NBEA: variants seen among roughly 807,000 people sequenced by gnomAD.
NBEA encodes lysosomal-trafficking regulator 2.
NBEA carries 44 observed loss-of-function variants against 343.4 expected under a neutral mutation model. That is an observed-to-expected ratio of 0.13 (90% CI 0.10 to 0.16). The LOEUF (loss-of-function observed/expected upper bound fraction) is 0.16, where lower values mean the gene tolerates loss of function less well. Among genes scored for constraint, NBEA ranks in the 10% least tolerant of loss-of-function variants. The pLI, the probability that NBEA is intolerant of heterozygous loss-of-function variation, is 1.00. For synonymous variants in NBEA, 1,175 were observed against 1,238.7 expected (o/e 0.95, Z 1.08); for missense variants, 2,555 against 3,631.3 (o/e 0.70, Z 7.62).
intron 41 of NBEA, chr13:35,474,937 T>C (rs1329666402): frequency 3.6e-5 from 42 of 1,157,132 alleles, no homozygotes; most frequent in Non-Finnish European, 5.2e-5. Flanking sequence ...TGTATTATTA[T>C]TCCTTTTTAA....
intron 17 of NBEA, among the ~76,000 whole-genome samples, chr13:35,133,774 A>T (rs1448570649): frequency 1.3e-5 from 2 of 152,092 alleles, no homozygotes; most frequent in Non-Finnish European, 2.9e-5. Context: ...ATAGATATTC[A>T]TCTAATTAAA....
At position 35,422,381 on chromosome 13, in the gene NBEA, G is replaced by A. The variant is rs189001451; in HGVS notation, c.6180-9888G>A. Among the ~76,000 whole-genome samples, 63 of 143,844 alleles carry A rather than the reference G, an allele frequency of 4.4e-4. No homozygotes were observed. In the East Asian group the frequency reaches 8.2e-3, roughly 19 times the overall value. The allele number at this position is 143,844 out of a possible 152,430, so 94.4% of individuals were successfully genotyped here. On this transcript the variant is annotated intron_variant, in intron 38 of 58. Transcript: ENST00000379939. The stretch of plus-strand genomic sequence containing the variant: ...TTCTCATTGTTCAGTTCCCACCTAT[G>A]AGTGAGAACATGCGGTGTTTGGTTT...
chr13:35,612,968 G>T (rs899501034), intron 48 of NBEA, among the ~76,000 whole-genome samples: 33 of 151,486 alleles, frequency 2.2e-4, no homozygotes, highest in African/African-American at 8.0e-4. Flanking sequence ...TATTTATGGG[G>T]TATACTGTGA....
At chr13:35,037,503 G>T (rs1469173008) in intron 1 of NBEA, among the ~76,000 whole-genome samples, 2 of 152,088 alleles carry the variant, frequency 1.3e-5, no homozygotes, top group South Asian at 2.1e-4. Flanking sequence ...GGTATTTATT[G>T]TACTCTTCAT....
intron 41 of NBEA, among the ~76,000 whole-genome samples, chr13:35,490,849 A>C (rs183296360): frequency 7.8e-4 from 118 of 152,036 alleles, no homozygotes; most frequent in Non-Finnish European, 1.4e-3. Flanking sequence ...CCAAGTTCAC[A>C]AAGCTAGGAG....
chr13:35,052,825 T>G lies in NBEA; in HGVS notation c.972+2430T>G, dbSNP rs192960602. Among the ~76,000 whole-genome samples, 735 of 152,134 alleles carry G rather than the reference T, an allele frequency of 4.8e-3. 6 individuals are homozygous for G. The highest frequency in any genetic ancestry group is 0.017 in the African/African-American group (689 of 41,552). ...CATTTGTTTATTCATTCATTTAATTTTATCATATATTATTGTTACAACCAA... is the reference window on the plus strand; with the variant it reads ...CATTTGTTTATTCATTCATTTAATTGTATCATATATTATTGTTACAACCAA... On this transcript the variant is annotated intron_variant, in intron 6 of 58. Transcript: ENST00000379939.
chr13:35,162,804 A>T (rs1227733933), intron 23 of NBEA, among the ~76,000 whole-genome samples: 1 of 152,146 alleles, frequency 6.6e-6, no homozygotes. Context: ...ATACCCAGTC[A>T]AGCTCAATAA....
intron 40 of NBEA, among the ~76,000 whole-genome samples, chr13:35,458,921 C>G (rs1412861549): frequency 6.7e-6 from 1 of 148,784 alleles, no homozygotes; most frequent in Non-Finnish European, 1.5e-5. Flanking sequence ...GATAGCAACA[C>G]AAGGAAGAAG....
intron 48 of NBEA, among the ~76,000 whole-genome samples, chr13:35,608,375 T>C (rs2082369835): frequency 6.6e-6 from 1 of 152,242 alleles, no homozygotes; most frequent in Non-Finnish European, 1.5e-5. Context: ...AATATATACT[T>C]CTGAAAATTT....
chr13:35,274,514 G>A (rs1250294558), intron 34 of NBEA, among the ~76,000 whole-genome samples: 1 of 152,016 alleles, frequency 6.6e-6, no homozygotes, highest in Non-Finnish European at 1.5e-5. Context: ...TTCTGGCCAG[G>A]GCAATCAGGC....
intron 55 of NBEA, among the ~76,000 whole-genome samples, chr13:35,661,079 C>T (rs375152818): frequency 2.0e-5 from 3 of 152,178 alleles, no homozygotes; most frequent in East Asian, 1.9e-4. Flanking sequence ...CTGCTTGCTA[C>T]TCGGCCTCGG....
intron 38 of NBEA, among the ~76,000 whole-genome samples, chr13:35,359,832 ATGTGTGTG>A (rs60793996): frequency 9.1e-4 from 131 of 144,640 alleles, no homozygotes; most frequent in African/African-American, 3.0e-3. Flanking sequence ...GTGTGTGTGT[ATGTGTGTG>A]TGTGTGTGTG....
intron 38 of NBEA, among the ~76,000 whole-genome samples, chr13:35,405,339 G>A (rs2043219061): frequency 6.6e-6 from 1 of 152,146 alleles, no homozygotes; most frequent in Non-Finnish European, 1.5e-5. Context: ...GCTGGGATTT[G>A]AACCCATATC....
intron 47 of NBEA, among the ~76,000 whole-genome samples, chr13:35,600,143 GAATTTACAT>G (rs2081983841): frequency 6.6e-6 from 1 of 152,138 alleles, no homozygotes; most frequent in African/African-American, 2.4e-5. Context: ...TGCTTACCAA[GAATTTACAT>G]TAAAATAAGA....
In NBEA at chr13:35,516,046, C is replaced by T. The variant is rs574954464; in HGVS notation, c.6586-34431C>T. On this transcript the variant is annotated intron_variant, in intron 41 of 58. Coordinates refer to ENST00000379939, the MANE Select transcript of NBEA (RefSeq NM_001385012.1). ...TTCTGATTATAATTTACTCATGATA[C>T]GGAGTTAACCTTAAACATTGTAGAA... 5.9e-5 allele frequency among the ~76,000 whole-genome samples: 9 copies of T among 152,178 alleles called. No homozygotes were observed. The South Asian group carries it at 1.0e-3, about 18-fold the overall frequency.
intron 10 of NBEA, among the ~76,000 whole-genome samples, chr13:35,092,953 A>G (rs919823956): frequency 6.6e-6 from 1 of 152,056 alleles, no homozygotes; most frequent in East Asian, 1.9e-4. Context: ...ATGCTTTTAC[A>G]AATGAATGGG....
intron 34 of NBEA, among the ~76,000 whole-genome samples, chr13:35,247,118 C>T (rs985581219): frequency 7.9e-5 from 12 of 152,104 alleles, no homozygotes; most frequent in South Asian, 2.1e-4. Flanking sequence ...CCCAGATGGC[C>T]GGTCTCATTC....
chr13:35,623,306 T>C (rs1306717428), intron 48 of NBEA, among the ~76,000 whole-genome samples: 1 of 152,302 alleles, frequency 6.6e-6, no homozygotes, highest in Non-Finnish European at 1.5e-5. Flanking sequence ...CAATACTGTT[T>C]ATAGTAAAGA....
intron 36 of NBEA, among the ~76,000 whole-genome samples, chr13:35,327,311 G>C (rs1325419131): frequency 6.6e-6 from 1 of 151,894 alleles, no homozygotes; most frequent in African/African-American, 2.4e-5. Context: ...GTTCTACCAA[G>C]AAAACACATG....
Sources: allele counts gnomAD v4.1 joint callset (sites outside exome capture counted in the v4.1 genomes callset), GRCh38; gene constraint gnomAD v4.1.1; transcripts MANE v1.5; gene names NCBI Gene and HGNC (gene_info 2026-07-23, HGNC 2026-07-21).